The following AGBL1 variants were observed in gnomAD, a reference collection of about 807,000 sequenced individuals.
AGBL1 encodes the protein AGBL carboxypeptidase 1, also known as cytosolic carboxypeptidase 4.
A neutral mutation model predicts 118.9 loss-of-function variants in AGBL1; 130 were observed. The observed-to-expected ratio is 1.09, with a 90% CI of 0.95 to 1.26. The LOEUF (loss-of-function observed/expected upper bound fraction) is 1.26. Among genes scored for constraint, AGBL1 ranks in the 50% most tolerant of loss-of-function variants. AGBL1 has a pLI of 0.00. For missense variants in AGBL1, 1,584 were observed against 1,298.1 expected (o/e 1.22, Z -3.38); for synonymous variants, 555 against 478.9 (o/e 1.16, Z -2.08).
intron 22 of AGBL1, among the ~76,000 whole-genome samples, chr15:86,900,082 C>T (rs1359782456): frequency 6.6e-6 from 1 of 152,116 alleles, no homozygotes; most frequent in East Asian, 1.9e-4. Flanking sequence ...AACTTTTGGA[C>T]TCTTGGGCTT....
At chr15:86,670,047 G>A (rs2085713218) in intron 21 of AGBL1, among the ~76,000 whole-genome samples, 1 of 151,962 alleles carries the variant, frequency 6.6e-6, no homozygotes, top group Non-Finnish European at 1.5e-5. Context: ...AATTTCCTCA[G>A]TCATTCCTCG....
At chr15:86,563,445 T>G (rs1160413716) in intron 21 of AGBL1, among the ~76,000 whole-genome samples, 1 of 152,198 alleles carries the variant, frequency 6.6e-6, no homozygotes, top group East Asian at 1.9e-4. Flanking sequence ...TCCATGTAGT[T>G]GAGCGGTTTT....
At chr15:86,154,912 A>G (rs777906300) in intron 4 of AGBL1, among the ~76,000 whole-genome samples, 1 of 152,152 alleles carries the variant, frequency 6.6e-6, no homozygotes, top group African/African-American at 2.4e-5. Context: ...TCCTTGTCAC[A>G]TTCAAGTGTT....
intron 24 of AGBL1, among the ~76,000 whole-genome samples, chr15:87,004,174 C>T (rs1013530167): frequency 2.0e-5 from 3 of 152,158 alleles, no homozygotes; most frequent in Admixed American, 1.3e-4. Flanking sequence ...TGTCTTTGTT[C>T]TCACTGGTTT....
intron 24 of AGBL1, among the ~76,000 whole-genome samples, chr15:87,025,972 T>C (rs765750449): frequency 8.5e-5 from 13 of 152,096 alleles, no homozygotes; most frequent in Non-Finnish European, 1.9e-4. Context: ...AAAATGAAAC[T>C]GGATCCTCAT....
chr15:86,496,803 A>G (rs1303515055), intron 18 of AGBL1, among the ~76,000 whole-genome samples: 2 of 152,062 alleles, frequency 1.3e-5, no homozygotes, highest in African/African-American at 4.8e-5. Flanking sequence ...CATTCATGTA[A>G]CTGTCATACA....
At chr15:86,431,106 G>A (rs1348193907) in intron 18 of AGBL1, among the ~76,000 whole-genome samples, 1 of 152,030 alleles carries the variant, frequency 6.6e-6, no homozygotes, top group East Asian at 1.9e-4. Context: ...TTGCTTGTTA[G>A]CAGTGACCTT....
rs11434077 is a variant in AGBL1 at position 86,644,851 on chromosome 15, CAAAAAAAAAAA to C, written c.2995-29411_2995-29401del. Among the ~76,000 whole-genome samples, 7 of 99,628 alleles carry C rather than the reference CAAAAAAAAAAA, an allele frequency of 7.0e-5. No individual in the cohort carries two copies. The Admixed American group carries it at 8.7e-4, about 12-fold the overall frequency. 65.4% of individuals were successfully genotyped at this position (99,628 alleles called of 152,430 possible). A position where few individuals can be genotyped will look rare whatever the true frequency, so the allele number is the denominator to read the frequency against. ...TGAAACCTCATCTCTACTAAAAATACAAAAAAAAAAAAAAAAAAAAATAGCTGGGCGTGGTG... is the reference window on the plus strand; with the variant it reads ...TGAAACCTCATCTCTACTAAAAATACAAAAAAAAAATAGCTGGGCGTGGTG... On this transcript the variant is annotated intron_variant, in intron 21 of 22. Transcript: ENST00000614907.
intron 22 of AGBL1, among the ~76,000 whole-genome samples, chr15:86,897,211 C>G (rs920820409): frequency 1.3e-5 from 2 of 152,124 alleles, no homozygotes; most frequent in Non-Finnish European, 2.9e-5. Flanking sequence ...GAATTTGAAA[C>G]TGCTATAGTG....
chr15:86,481,496 T>G (rs2082651219), intron 18 of AGBL1, among the ~76,000 whole-genome samples: 1 of 152,102 alleles, frequency 6.6e-6, no homozygotes. Context: ...CTAAGACATG[T>G]TGAGCTTGGG....
intron 18 of AGBL1, among the ~76,000 whole-genome samples, chr15:86,475,397 A>G (rs2082543688): frequency 6.6e-6 from 1 of 152,240 alleles, no homozygotes; most frequent in Admixed American, 6.5e-5. Context: ...ATGGAGCTGA[A>G]AACCATGACA....
At chr15:86,312,366 C>T (rs1396097078) in intron 17 of AGBL1, 1 of 152,184 alleles carries the variant, frequency 6.6e-6, no homozygotes, top group Non-Finnish European at 1.5e-5. Context: ...TAGCTGGGAG[C>T]TCACTTCACT....
intron 22 of AGBL1, among the ~76,000 whole-genome samples, chr15:86,728,479 A>G (rs1403742277): frequency 3.9e-5 from 6 of 152,184 alleles, no homozygotes; most frequent in African/African-American, 2.4e-5. Context: ...AGGTGGCCCC[A>G]TAGGTATCAG....
downstream of AGBL1, among the ~76,000 whole-genome samples, chr15:87,031,156 C>T (rs1238981748): frequency 2.6e-5 from 4 of 152,016 alleles, no homozygotes; most frequent in East Asian, 7.8e-4. Context: ...CATGTGTCAG[C>T]TTTGTGTATG....
chr15:86,329,554 C>T (rs2080238791), intron 17 of AGBL1, among the ~76,000 whole-genome samples: 1 of 152,150 alleles, frequency 6.6e-6, no homozygotes, highest in African/African-American at 2.4e-5. Flanking sequence ...ACTTCATGCC[C>T]AGGCAGATCT....
chr15:86,169,939 T>C (rs1367999034), intron 5 of AGBL1, among the ~76,000 whole-genome samples: 1 of 152,142 alleles, frequency 6.6e-6, no homozygotes, highest in Non-Finnish European at 1.5e-5. Flanking sequence ...AGAATATTTA[T>C]TGGAACACAA....
chr15:86,774,753 C>G (rs1028417745), intron 22 of AGBL1, among the ~76,000 whole-genome samples: 10 of 151,936 alleles, frequency 6.6e-5, no homozygotes, highest in African/African-American at 2.4e-4. Context: ...CAATATGTAT[C>G]AAGGCCAGGA....
intron 23 of AGBL1, among the ~76,000 whole-genome samples, chr15:86,980,359 C>T (rs1316217524): frequency 6.6e-6 from 1 of 152,126 alleles, no homozygotes; most frequent in Non-Finnish European, 1.5e-5. Context: ...ATTTTGCCAC[C>T]TGCGGGAGCA....
chr15:86,103,358 A>T (rs1327867372), intron 1 of AGBL1, among the ~76,000 whole-genome samples: 5 of 152,006 alleles, frequency 3.3e-5, no homozygotes, highest in African/African-American at 1.2e-4. Flanking sequence ...TTTCCTTTTT[A>T]TTGTAATCTG....
Sources: gnomAD v4.1 joint callset for allele counts (sites outside exome capture counted in the v4.1 genomes callset) on GRCh38, gnomAD v4.1.1 for gene constraint, MANE v1.5 for transcripts, NCBI Gene and HGNC (gene_info 2026-07-23, HGNC 2026-07-21) for gene names.